ACACB: variants seen among roughly 807,000 people sequenced by gnomAD.
The protein encoded by ACACB is acetyl-CoA carboxylase 2.
A neutral mutation model predicts 278.8 loss-of-function variants in ACACB; 209 were observed. The observed-to-expected ratio is 0.75, with a 90% CI of 0.67 to 0.84. The LOEUF (loss-of-function observed/expected upper bound fraction) is 0.84. ACACB is among the 40% of genes least tolerant of loss of function. The pLI is 0.00. For synonymous variants in ACACB, 1,174 were observed against 1,285.6 expected (o/e 0.91, Z 1.86); for missense variants, 2,850 against 3,269.0 (o/e 0.87, Z 3.13).
At chr12:109,146,674 C>G (rs2043250321) in intron 2 of ACACB, among the ~76,000 whole-genome samples, 1 of 151,968 alleles carries the variant, frequency 6.6e-6, no homozygotes, top group African/African-American at 2.4e-5. Flanking sequence ...TCTTGAGATT[C>G]TTTTTTATTT....
intron 36 of ACACB, chr12:109,241,984 T>G (rs1308015567): frequency 6.4e-6 from 1 of 155,308 alleles, no homozygotes; most frequent in African/African-American, 2.4e-5. Context: ...AATTGAAGAC[T>G]GAAGACTCTC....
intron 2 of ACACB, among the ~76,000 whole-genome samples, chr12:109,163,123 C>G (rs1308530079): frequency 6.6e-6 from 1 of 152,082 alleles, no homozygotes; most frequent in Non-Finnish European, 1.5e-5. Flanking sequence ...TGGGGTTTCA[C>G]CATGTTGTCC....
At chr12:109,179,821 C>A (rs2044405395) in intron 10 of ACACB, 96 bp from the exon 11 acceptor site, 4 of 1,381,980 alleles carry the variant, frequency 2.9e-6, no homozygotes, top group Non-Finnish European at 4.0e-6. Context: ...GTAGCAGGTG[C>A]TCAGTCTGCA....
At chr12:109,170,309 C>G (rs2044068578) in intron 4 of ACACB, among the ~76,000 whole-genome samples, 1 of 152,060 alleles carries the variant, frequency 6.6e-6, no homozygotes, top group African/African-American at 2.4e-5. Flanking sequence ...AGGTGATCTG[C>G]CCGCCTCAGC....
intron 7 of ACACB, 87 bp from the exon 8 acceptor site, chr12:109,175,844 T>C (rs2044265667): frequency 1.8e-6 from 2 of 1,130,126 alleles, no homozygotes; most frequent in East Asian, 2.4e-5. Context: ...TCTAGCACTA[T>C]GTCAGCAGGG....
intron 9 of ACACB, among the ~76,000 whole-genome samples, chr12:109,178,624 G>A (rs2044353756): frequency 6.6e-6 from 1 of 152,206 alleles, no homozygotes; most frequent in African/African-American, 2.4e-5. Context: ...GGTGCAGCTG[G>A]TAAAGGAATT....
At position 109,209,185 on chromosome 12, in the gene ACACB, G is replaced by A. The variant is rs1240851750; in HGVS notation, c.3081G>A (p.Lys1027=). The A allele has an allele frequency of 2.5e-6, 4 of 1,604,656 alleles. No homozygotes were observed. The highest frequency in any genetic ancestry group is 3.4e-6 in the Non-Finnish European group (4 of 1,176,674). The change falls in exon 21 of 53, where the codon AAG becomes AAA. Residue 1027 remains lysine (K), a synonymous_variant. Coordinates refer to ENST00000338432, the MANE Select transcript of ACACB (RefSeq NM_001093.4). ...FSIKLKEWVQ[K]LMMTLRHPSL... is the part of the protein sequence containing the mutation. ...TTCAGCTGAAGGAGTGGGTGCAGAAGCTCATGATGACCCTCCGGCACCCGT... is the reference window on the plus strand; with the variant it reads ...TTCAGCTGAAGGAGTGGGTGCAGAAACTCATGATGACCCTCCGGCACCCGT...
At chr12:109,256,366 A>G in intron 45 of ACACB, 130 bp downstream of exon 45, 2 of 666,508 alleles carry the variant, frequency 3.0e-6, no homozygotes, top group South Asian at 3.6e-5. Flanking sequence ...GAAAAAACCA[A>G]TTTGGGGAAT....
intron 21 of ACACB, among the ~76,000 whole-genome samples, chr12:109,210,255 A>ATC (rs373367726): frequency 0.016 from 252 of 16,062 alleles, 73 homozygotes; most frequent in Middle Eastern, 0.083. Context: ...ATATACACAC[A>ATC]TGTGTGTATA....
At chr12:109,178,314 C>G (rs1458786311) in intron 9 of ACACB, among the ~76,000 whole-genome samples, 1 of 152,186 alleles carries the variant, frequency 6.6e-6, no homozygotes, top group African/African-American at 2.4e-5. Flanking sequence ...AAAACAATGC[C>G]TTTCAGCTCT....
chr12:109,206,157 C>T (rs1400471680), intron 19 of ACACB, among the ~76,000 whole-genome samples: 7 of 151,932 alleles, frequency 4.6e-5, no homozygotes, highest in African/African-American at 9.7e-5. Context: ...ACAGATCGGC[C>T]GGGCGCAGTG....
intron 16 of ACACB, among the ~76,000 whole-genome samples, chr12:109,194,189 TTTG>T (rs921758306): frequency 1.7e-4 from 26 of 150,364 alleles, no homozygotes; most frequent in South Asian, 4.2e-4. Context: ...GTTTTTTTTT[TTTG>T]TTGTTGTTGT....
intron 1 of ACACB, among the ~76,000 whole-genome samples, chr12:109,128,457 C>T (rs1212031226): frequency 6.6e-6 from 1 of 152,134 alleles, no homozygotes; most frequent in East Asian, 1.9e-4. Context: ...CCCACCTCAG[C>T]CTCCCAAGTA....
At chr12:109,154,418 G>A (rs2136093235) in intron 2 of ACACB, among the ~76,000 whole-genome samples, 1 of 152,376 alleles carries the variant, frequency 6.6e-6, no homozygotes, top group Non-Finnish European at 1.5e-5. Flanking sequence ...TCCCTATCGT[G>A]TGTGTATTCA....
chr12:109,139,326 C>A (rs191728558), intron 1 of ACACB, 71 bp from the exon 2 acceptor site: 199 of 1,439,662 alleles, frequency 1.4e-4, no homozygotes, highest in Non-Finnish European at 1.8e-4. Flanking sequence ...CCTCCTGCCC[C>A]ACTAGCTTCT....
chr12:109,160,744 A>T (rs7295784), intron 2 of ACACB, among the ~76,000 whole-genome samples: 1 of 151,794 alleles, frequency 6.6e-6, no homozygotes, highest in Non-Finnish European at 1.5e-5. Flanking sequence ...TAAAATAGCC[A>T]CTTGCCTGGA....
At chr12:109,194,180 T>G (rs1005268082) in intron 16 of ACACB, among the ~76,000 whole-genome samples, 1 of 146,600 alleles carries the variant, frequency 6.8e-6, no homozygotes, top group Non-Finnish European at 1.5e-5. Flanking sequence ...TCTGTCTCTG[T>G]TTTTTTTTTT....
At chr12:109,152,346 G>A (rs1432817921) in intron 2 of ACACB, among the ~76,000 whole-genome samples, 1 of 152,176 alleles carries the variant, frequency 6.6e-6, no homozygotes, top group East Asian at 1.9e-4. Flanking sequence ...ATGAATACTT[G>A]TTGGTTTTGG....
intron 2 of ACACB, among the ~76,000 whole-genome samples, chr12:109,152,241 G>A (rs2043393550): frequency 6.6e-6 from 1 of 152,210 alleles, no homozygotes; most frequent in Admixed American, 6.5e-5. Flanking sequence ...ACTGACTTTG[G>A]TAGGGTTGGG....
Sources: gnomAD v4.1 joint callset for allele counts (sites outside exome capture counted in the v4.1 genomes callset) on GRCh38, gnomAD v4.1.1 for gene constraint, MANE v1.5 for transcripts, NCBI Gene and HGNC (gene_info 2026-07-23, HGNC 2026-07-21) for gene names.